The following WASL variants were observed in gnomAD, a reference collection of about 807,000 sequenced individuals.
WASL encodes the protein actin nucleation-promoting factor WASL.
WASL carries 20 observed loss-of-function variants against 55.5 expected under a neutral mutation model. The observed-to-expected ratio is 0.36, with a 90% CI of 0.25 to 0.52. The LOEUF is 0.52. Among genes scored for constraint, WASL ranks in the 20% least tolerant of loss-of-function variants. The pLI is 0.92. For synonymous variants in WASL, 249 were observed against 217.6 expected, an observed-to-expected ratio of 1.14 and a Z score of -1.27; for missense variants, 504 against 622.5, an observed-to-expected ratio of 0.81 and a Z score of 2.03.
At chr7:123,712,421 T>C (rs1803773590) in intron 1 of WASL, among the ~76,000 whole-genome samples, 1 of 152,172 alleles carries the variant, frequency 6.6e-6, no homozygotes, top group Admixed American at 6.5e-5. Flanking sequence ...AGAATGACTC[T>C]GATTTTAGGA....
intron 1 of WASL, among the ~76,000 whole-genome samples, chr7:123,747,878 A>C (rs1220741793): frequency 4.6e-5 from 7 of 152,028 alleles, no homozygotes; most frequent in Admixed American, 4.6e-4. Context: ...GCACAGCACC[A>C]AACTAAGAAT....
chr7:123,730,932 A>G (rs1434630338), intron 1 of WASL, among the ~76,000 whole-genome samples: 1 of 152,128 alleles, frequency 6.6e-6, no homozygotes, highest in Non-Finnish European at 1.5e-5. Context: ...GGTAGTTTTT[A>G]AATCTTCATC....
At chr7:123,686,973 C>T (rs920053742) in intron 10 of WASL, among the ~76,000 whole-genome samples, 2 of 152,146 alleles carry the variant, frequency 1.3e-5, no homozygotes, top group African/African-American at 2.4e-5. Context: ...AGACTCATAA[C>T]GAAATGCCTA....
chr7:123,685,960 C>T (rs1803281041), intron 10 of WASL, among the ~76,000 whole-genome samples: 1 of 149,342 alleles, frequency 6.7e-6, no homozygotes, highest in Admixed American at 6.7e-5. Flanking sequence ...AGTAATTGTA[C>T]TTGATAATGA....
At chr7:123,684,979 C>T (rs1258668186) in intron 10 of WASL, among the ~76,000 whole-genome samples, 2 of 151,904 alleles carry the variant, frequency 1.3e-5, no homozygotes, top group Non-Finnish European at 2.9e-5. Flanking sequence ...TGGTCTGCTG[C>T]TCCATCTCAA....
At chr7:123,708,258 T>A (rs186969186) in intron 2 of WASL, among the ~76,000 whole-genome samples, 1 of 152,252 alleles carries the variant, frequency 6.6e-6, no homozygotes, top group East Asian at 1.9e-4. Flanking sequence ...CTCAGTGAAA[T>A]ACCTCATAAC....
chr7:123,706,705 A>C, intron 3 of WASL, 35 bp downstream of exon 3: 2 of 1,421,084 alleles, frequency 1.4e-6, no homozygotes, highest in South Asian at 1.3e-5. Flanking sequence ...GCAATGAAAA[A>C]AGTAAAGATG....
At chr7:123,698,867 T>C (rs1406180057) in intron 5 of WASL, among the ~76,000 whole-genome samples, 4 of 152,170 alleles carry the variant, frequency 2.6e-5, no homozygotes, top group Non-Finnish European at 5.9e-5. Context: ...ATATCCAGAA[T>C]GTAGGGACTA....
intron 1 of WASL, among the ~76,000 whole-genome samples, chr7:123,718,600 G>T (rs1803886896): frequency 6.6e-6 from 1 of 151,984 alleles, no homozygotes; most frequent in Admixed American, 6.6e-5. Flanking sequence ...TCACTATGTG[G>T]TCTAGGCTGG....
At chr7:123,700,824 CTTTG>C (rs1412470155) in intron 5 of WASL, among the ~76,000 whole-genome samples, 1 of 152,188 alleles carries the variant, frequency 6.6e-6, no homozygotes, top group Non-Finnish European at 1.5e-5. Flanking sequence ...ATAATACATT[CTTTG>C]TTTGCCAATT....
At chr7:123,733,913 CAA>C (rs33913069) in intron 1 of WASL, among the ~76,000 whole-genome samples, 41,916 of 110,956 alleles carry the variant, frequency 0.38, 6,415 homozygotes, top group South Asian at 0.56. Context: ...ATCCACGTGC[CAA>C]AAAAAAAAAA....
chr7:123,723,153 T>G (rs1803981523), intron 1 of WASL, among the ~76,000 whole-genome samples: 1 of 152,254 alleles, frequency 6.6e-6, no homozygotes, highest in Admixed American at 6.5e-5. Flanking sequence ...TGGCATTGTA[T>G]GCATTATTAA....
At chr7:123,689,855 A>C (rs1052250683) in intron 9 of WASL, among the ~76,000 whole-genome samples, 3 of 151,534 alleles carry the variant, frequency 2.0e-5, no homozygotes, top group Non-Finnish European at 4.4e-5. Flanking sequence ...TAATACATAC[A>C]TATATAATAT....
At chr7:123,721,283 T>C (rs999253359) in intron 1 of WASL, among the ~76,000 whole-genome samples, 1 of 148,460 alleles carries the variant, frequency 6.7e-6, no homozygotes, top group Admixed American at 6.8e-5. Flanking sequence ...GATGTACATA[T>C]ACTTTATATA....
chr7:123,696,861 T>C, intron 5 of WASL, 114 bp from the exon 6 acceptor site: 2 of 752,964 alleles, frequency 2.7e-6, no homozygotes, highest in Non-Finnish European at 3.6e-6. Flanking sequence ...TTATAAATTA[T>C]TTATATTTTA....
intron 1 of WASL, among the ~76,000 whole-genome samples, chr7:123,734,152 TA>T (rs1307456870): frequency 3.9e-5 from 6 of 152,030 alleles, no homozygotes; most frequent in African/African-American, 1.4e-4. Context: ...TCATTAAAAT[TA>T]AAAACTTCTT....
intron 10 of WASL, among the ~76,000 whole-genome samples, chr7:123,685,889 T>A (rs1052097766): frequency 5.4e-5 from 8 of 147,838 alleles, no homozygotes; most frequent in Non-Finnish European, 1.2e-4. Flanking sequence ...TATATAAATA[T>A]GTATATAAAT....
At position 123,706,385 on chromosome 7, in the gene WASL, T is replaced by A. The variant is rs767227878; in HGVS notation, c.340-12A>T. On this transcript the variant is annotated splice_polypyrimidine_tract_variant and intron_variant, in intron 3 of 10. Transcript: ENST00000223023. The stretch of plus-strand genomic sequence containing the variant: ...GCAACTTGACAAGTCTGAAATATTT[T>A]CATCACAAAGGGGAAACAACAGAAT... 1.9e-6 allele frequency: 3 copies of A among 1,608,184 alleles called. No individual in the cohort carries two copies. The Admixed American group carries it at 5.0e-5, about 27-fold the overall frequency.
intron 7 of WASL, 125 bp downstream of exon 7, chr7:123,695,698 T>A (rs1803478936): frequency 1.2e-6 from 1 of 867,968 alleles, no homozygotes; most frequent in Admixed American, 2.6e-5. Context: ...GTTGTATACA[T>A]ACATAAAACA....
Sources: allele counts gnomAD v4.1 joint callset (sites outside exome capture counted in the v4.1 genomes callset), GRCh38; gene constraint gnomAD v4.1.1; transcripts MANE v1.5; gene names NCBI Gene and HGNC (gene_info 2026-07-23, HGNC 2026-07-21).